TENM1: variants seen among roughly 807,000 people sequenced by gnomAD.
TENM1 encodes the protein teneurin transmembrane protein 1, also known as teneurin-1.
TENM1 carries 35 observed loss-of-function variants against 174.8 expected under a neutral mutation model. The ratio of observed to expected loss-of-function variants is 0.20; its 90% CI spans 0.15 to 0.27. TENM1 has a LOEUF of 0.27. Among genes scored for constraint, TENM1 ranks in the 10% least tolerant of loss-of-function variants. TENM1 has a pLI of 1.00. For missense variants in TENM1, 1,633 were observed against 2,130.1 expected, an observed-to-expected ratio of 0.77 and a Z score of 4.59; for synonymous variants, 781 against 798.7, an observed-to-expected ratio of 0.98 and a Z score of 0.37.
At chrX:124,604,423 A>G (rs2050103214) in intron 11 of TENM1, among the ~76,000 whole-genome samples, 1 of 111,633 alleles carries the variant, frequency 9.0e-6, no homozygotes, top group African/African-American at 3.2e-5. Context: ...ATTTTCCAAA[A>G]TTCTATTCCT....
intron 14 of TENM1, among the ~76,000 whole-genome samples, chrX:124,560,413 T>C (rs2048792718): frequency 9.1e-6 from 1 of 110,440 alleles, no homozygotes. Context: ...GGAAAAATGG[T>C]AATATCATTT....
intron 25 of TENM1, among the ~76,000 whole-genome samples, chrX:124,411,145 T>G (rs1310067159): frequency 8.9e-6 from 1 of 112,006 alleles, no homozygotes; most frequent in Non-Finnish European, 1.9e-5. Flanking sequence ...GGTCTTTGTC[T>G]GATAAACATT....
chrX:125,061,656 C>T, the TENM1 span, among the ~76,000 whole-genome samples: 3 of 112,082 alleles, frequency 2.7e-5, no homozygotes, highest in South Asian at 1.1e-3. Flanking sequence ...GTGGCTCATG[C>T]CTGTAATCCC....
At chrX:125,062,470 C>A in the TENM1 span, among the ~76,000 whole-genome samples, 1 of 111,455 alleles carries the variant, frequency 9.0e-6, no homozygotes, top group African/African-American at 3.3e-5. Flanking sequence ...CCAAAAAAGG[C>A]AGGACTGGAG....
At chrX:124,533,236 TTAA>T (rs1260768904) in intron 15 of TENM1, among the ~76,000 whole-genome samples, 1 of 112,120 alleles carries the variant, frequency 8.9e-6, no homozygotes, top group African/African-American at 3.2e-5. Context: ...TTCTATTTTC[TTAA>T]TAATTGTGGA....
At chrX:125,120,178 T>C in the TENM1 span, among the ~76,000 whole-genome samples, 1 of 108,076 alleles carries the variant, frequency 9.3e-6, no homozygotes, top group Non-Finnish European at 1.9e-5. Flanking sequence ...ACTAACAATA[T>C]TTAAATACTT....
intron 18 of TENM1, among the ~76,000 whole-genome samples, chrX:124,519,291 G>C (rs935501190): frequency 8.1e-5 from 9 of 111,097 alleles, no homozygotes; most frequent in Non-Finnish European, 1.1e-4. Flanking sequence ...CATTTACTGA[G>C]GTAATATGAA....
chrX:124,995,822 A>G, the TENM1 span, among the ~76,000 whole-genome samples: 3 of 111,518 alleles, frequency 2.7e-5, no homozygotes, highest in Middle Eastern at 4.7e-3. Flanking sequence ...TTTGAAAAAA[A>G]GTTTCCCAAT....
chrX:125,197,075 A>G, the TENM1 span, among the ~76,000 whole-genome samples: 3 of 111,665 alleles, frequency 2.7e-5, no homozygotes, highest in Non-Finnish European at 5.7e-5. Flanking sequence ...ATGCAAAACC[A>G]TGCAACTGGG....
the TENM1 span, among the ~76,000 whole-genome samples, chrX:125,150,774 C>G: frequency 8.9e-6 from 1 of 112,591 alleles, no homozygotes; most frequent in African/African-American, 3.2e-5. Context: ...GGTAAACAAG[C>G]TGCACAAGGC....
chrX:124,825,332 A>T (rs1366784071), intron 3 of TENM1, among the ~76,000 whole-genome samples: 2 of 104,980 alleles, frequency 1.9e-5, no homozygotes, highest in Admixed American at 2.1e-4. Flanking sequence ...TTATATATAT[A>T]ATATATATAT....
chrX:124,412,731 CAG>C (rs1490385874), intron 25 of TENM1, among the ~76,000 whole-genome samples: 1 of 112,587 alleles, frequency 8.9e-6, no homozygotes, highest in Non-Finnish European at 1.9e-5. Flanking sequence ...CAATAAATAT[CAG>C]AGTCTTGTGC....
chrX:124,653,840 T>C, intron 6 of TENM1, 57 bp from the exon 10 acceptor site: 1 of 1,017,064 alleles, frequency 9.8e-7, no homozygotes, highest in Non-Finnish European at 1.4e-6. Flanking sequence ...TATAAAGCAA[T>C]GGTTTTTAGC....
At chrX:124,846,449 C>A (rs1168481042) in intron 3 of TENM1, among the ~76,000 whole-genome samples, 2 of 111,085 alleles carry the variant, frequency 1.8e-5, no homozygotes, top group East Asian at 5.7e-4. Context: ...TATAAGGGTT[C>A]AGCTTCCAAA....
intron 11 of TENM1, among the ~76,000 whole-genome samples, chrX:124,566,570 T>C (rs1293112425): frequency 8.9e-6 from 1 of 112,415 alleles, no homozygotes; most frequent in African/African-American, 3.2e-5. Flanking sequence ...CACATATTCC[T>C]GAAAGGAAAA....
At chrX:124,762,051 C>A (rs2054430992) in intron 3 of TENM1, among the ~76,000 whole-genome samples, 1 of 112,165 alleles carries the variant, frequency 8.9e-6, no homozygotes, top group South Asian at 3.7e-4. Context: ...AGCCCAATAT[C>A]AATCCTTTTG....
chrX:124,517,376 G>A lies in TENM1; in HGVS notation c.3301+3141C>T, dbSNP rs111602991. Among the ~76,000 whole-genome samples the A allele has an allele frequency of 2.4e-3, 262 of 109,031 alleles. 2 individuals carry two copies. Among genetic ancestry groups the A allele is most frequent in the African/African-American group, 8.4e-3 (251 of 29,916 alleles). 94.7% of individuals were successfully genotyped at this position (109,031 alleles called of 115,157 possible). ...ACACATGCACACGTATGTTTATCGC[G>A]GCACTATTCACAATAGCAAAGACTT... On this transcript the variant is annotated intron_variant, in intron 18 of 31. Coordinates refer to ENST00000422452, the Ensembl canonical transcript of TENM1.
chrX:125,200,654 T>TGTGTGAGA, the TENM1 span, among the ~76,000 whole-genome samples: 225 of 92,416 alleles, frequency 2.4e-3, 3 homozygotes, highest in African/African-American at 9.0e-3. Flanking sequence ...TGTGTGTGTG[T>TGTGTGAGA]GAGAGAGAGA....
At chrX:124,646,619 A>C (rs1433952296) in intron 9 of TENM1, 90 bp downstream of exon 12, 1 of 651,541 alleles carries the variant, frequency 1.5e-6, no homozygotes, top group Admixed American at 2.9e-5. Flanking sequence ...ACCACTACTA[A>C]TGTTACTTAC....
Sources: gnomAD v4.1 joint callset for allele counts (sites outside exome capture counted in the v4.1 genomes callset) on GRCh38, gnomAD v4.1.1 for gene constraint, MANE v1.5 for transcripts, NCBI Gene and HGNC (gene_info 2026-07-23, HGNC 2026-07-21) for gene names.